NSRP1: variants seen among roughly 807,000 people sequenced by gnomAD.
The protein encoded by NSRP1 is nuclear speckle splicing regulatory protein 1.
NSRP1 carries 24 observed loss-of-function variants against 54.7 expected under a neutral mutation model. The ratio of observed to expected loss-of-function variants is 0.44; its 90% CI spans 0.32 to 0.62. NSRP1 has a LOEUF of 0.62. NSRP1 is among the 20% of genes least tolerant of loss of function. NSRP1 has a pLI of 0.06. For missense variants in NSRP1, 596 were observed against 651.2 expected, an observed-to-expected ratio of 0.92 and a Z score of 0.92; for synonymous variants, 210 against 213.8, an observed-to-expected ratio of 0.98 and a Z score of 0.15.
At chr17:30,121,570 G>T (rs1398942609) in intron 2 of NSRP1, among the ~76,000 whole-genome samples, 20 of 132,784 alleles carry the variant, frequency 1.5e-4, no homozygotes, top group Non-Finnish European at 2.4e-4. Flanking sequence ...GTGTGTGTGT[G>T]TTTTTTTTTT....
chr17:30,182,669 T>C (rs183745787), intron 6 of NSRP1, among the ~76,000 whole-genome samples: 1 of 149,336 alleles, frequency 6.7e-6, no homozygotes, highest in Admixed American at 6.7e-5. Flanking sequence ...GCACGGTGGC[T>C]CATGCCTATA....
intron 2 of NSRP1, among the ~76,000 whole-genome samples, chr17:30,128,582 A>G (rs1471626043): frequency 6.6e-6 from 1 of 152,164 alleles, no homozygotes; most frequent in African/African-American, 2.4e-5. Flanking sequence ...TGTTTACCCA[A>G]TATTATCAGT....
Position 30,122,348 on chromosome 17 carries a change from GTTTCATA to G in NSRP1, c.114+4177_114+4183del, listed in dbSNP as rs1219533994. On this transcript the variant is annotated intron_variant, in intron 2 of 6. Coordinates refer to ENST00000247026, the MANE Select transcript of NSRP1 (RefSeq NM_032141.4). ...ATTTCTGGTTCATATGATAACTCTGGTTTCATATATATATATATATATATATATATAT... is the reference window on the plus strand; with the variant it reads ...ATTTCTGGTTCATATGATAACTCTGGTATATATATATATATATATATATAT... 167 of 42,894 alleles carry G rather than the reference GTTTCATA, an allele frequency of 3.9e-3. 4 individuals are homozygous for G. The highest frequency in any genetic ancestry group is 0.013 in the African/African-American group (160 of 12,272). The allele number at this position is 42,894 out of a possible 1,614,324, so 2.7% of individuals were successfully genotyped here. A position where few individuals can be genotyped will look rare whatever the true frequency, so the allele number is the denominator to read the frequency against.
At chr17:30,177,844 G>C in intron 3 of NSRP1, 1 of 572,680 alleles carries the variant, frequency 1.7e-6, no homozygotes, top group South Asian at 1.9e-5. Flanking sequence ...GGAAATTAAG[G>C]TACCAAAAGA....
chr17:30,185,042 G>A lies in NSRP1; in HGVS notation c.1045G>A (p.Ala349Thr), dbSNP rs1434639383. The change falls in exon 7 of 7, where the codon GCC becomes ACC. Residue 349 changes from alanine (A) to threonine (T), a missense_variant. Physicochemically the swap from Ala to Thr is moderately conservative, Grantham distance 58 (BLOSUM62 0). Transcript: ENST00000247026. The stretch of plus-strand genomic sequence containing the variant: ...AAGGGATTCTCATAGGCACAGAGAG[G>A]CCAGTCATAGAGATTCCCATTGGAA... ...KERDSHRHREASHRDSHWKRH... is the reference protein window; with the variant it reads ...KERDSHRHRETSHRDSHWKRH... 6.2e-7 allele frequency: 1 copy of A among 1,614,124 alleles called. No individual in the cohort carries two copies. Among genetic ancestry groups the A allele is most frequent in the Non-Finnish European group, 8.5e-7 (1 of 1,180,020 alleles).
Position 30,185,493 on chromosome 17 carries a change from A to G in NSRP1, c.1496A>G (p.Lys499Arg). ...AATTCTGAATCATCACTGGGAGCAA[A>G]ACACAGACTCACAGAGGAAGGGCAA... ...PSNSESSLGA[K>R]HRLTEEGQEK... Residue 499 changes from lysine (K) to arginine (R), a missense_variant, in exon 7 of 7, where the codon AAA (lysine) becomes AGA (arginine). By Grantham distance (26) the Lys-to-Arg change is conservative. Transcript: ENST00000247026. 1 of 1,613,746 alleles carries G rather than the reference A, an allele frequency of 6.2e-7. No individual in the cohort carries two copies. The highest frequency in any genetic ancestry group is 8.5e-7 in the Non-Finnish European group (1 of 1,179,936).
At chr17:30,125,204 G>C (rs1286623381) in intron 2 of NSRP1, among the ~76,000 whole-genome samples, 1 of 151,704 alleles carries the variant, frequency 6.6e-6, no homozygotes, top group Admixed American at 6.6e-5. Context: ...CAAAAAAAAA[G>C]ATTAAAAAAA....
intron 2 of NSRP1, among the ~76,000 whole-genome samples, chr17:30,138,916 T>G (rs948626103): frequency 3.9e-5 from 5 of 129,492 alleles, no homozygotes; most frequent in African/African-American, 8.7e-5. Context: ...AGCGTTTTTT[T>G]TTTTTTTTTT....
Position 30,179,234 on chromosome 17 carries a change from A to G in NSRP1, c.445A>G (p.Lys149Glu). 1 of 1,609,826 alleles carries G rather than the reference A, an allele frequency of 6.2e-7. No individual in the cohort carries two copies. The change falls in exon 5 of 7, where the codon AAG (lysine) becomes GAG (glutamate). Residue 149 changes from lysine to glutamate, a missense_variant. Lys to Glu is a moderately conservative substitution (Grantham distance 56). Transcript: ENST00000247026. ...AGAAGCATTTGTGACATCTGCATAT[A>G]AGAAAAAACTGCAAGAGAGAGCTGA... ...DKEAFVTSAY[K>E]KKLQERAEEE...
At chr17:30,141,054 C>T (rs2071800642) in intron 2 of NSRP1, among the ~76,000 whole-genome samples, 3 of 152,188 alleles carry the variant, frequency 2.0e-5, no homozygotes, top group Admixed American at 1.3e-4. Context: ...CACCTGGGCT[C>T]AAGCAGTTCT....
chr17:30,155,499 G>C (rs1179451634), intron 2 of NSRP1, among the ~76,000 whole-genome samples: 1 of 151,832 alleles, frequency 6.6e-6, no homozygotes, highest in East Asian at 1.9e-4. Context: ...TCTTCCTCTG[G>C]GTCTTCTGTT....
intron 2 of NSRP1, chr17:30,144,540 A>T (rs1276283674): frequency 6.6e-6 from 1 of 152,058 alleles, no homozygotes; most frequent in African/African-American, 2.4e-5. Flanking sequence ...AGATTACAGG[A>T]GTGAGGCCAC....
At chr17:30,146,992 T>A (rs1567796311) in intron 2 of NSRP1, among the ~76,000 whole-genome samples, 1 of 152,260 alleles carries the variant, frequency 6.6e-6, no homozygotes, top group Non-Finnish European at 1.5e-5. Context: ...AAGTTTTCAG[T>A]AGTATGTTGA....
At chr17:30,139,391 T>A (rs1356937478) in intron 2 of NSRP1, among the ~76,000 whole-genome samples, 2 of 152,194 alleles carry the variant, frequency 1.3e-5, no homozygotes, top group African/African-American at 4.8e-5. Flanking sequence ...CTGATCCAGT[T>A]TATCAATTTT....
At chr17:30,146,706 G>A (rs1311564188) in intron 2 of NSRP1, among the ~76,000 whole-genome samples, 1 of 152,140 alleles carries the variant, frequency 6.6e-6, no homozygotes, top group Non-Finnish European at 1.5e-5. Context: ...CGCAATCTTG[G>A]CTCACTGCCA....
chr17:30,147,824 T>C (rs1296176439), intron 2 of NSRP1, among the ~76,000 whole-genome samples: 2 of 151,868 alleles, frequency 1.3e-5, no homozygotes, highest in African/African-American at 4.8e-5. Flanking sequence ...TTTTTTTTTT[T>C]TTTTGAGACG....
intron 2 of NSRP1, among the ~76,000 whole-genome samples, chr17:30,124,054 C>G (rs1010804068): frequency 2.0e-5 from 3 of 151,660 alleles, no homozygotes; most frequent in Admixed American, 6.6e-5. Context: ...GTGGGAGAAT[C>G]GCTTGAGGCT....
intron 2 of NSRP1, among the ~76,000 whole-genome samples, chr17:30,124,648 G>A (rs2071634780): frequency 6.6e-6 from 1 of 152,222 alleles, no homozygotes; most frequent in African/African-American, 2.4e-5. Context: ...GTTCTTGGAG[G>A]CTGGGGACCA....
At chr17:30,182,626 G>A (rs1439767856) in intron 6 of NSRP1, among the ~76,000 whole-genome samples, 2 of 145,092 alleles carry the variant, frequency 1.4e-5, no homozygotes, top group African/African-American at 5.2e-5. Flanking sequence ...TGGCGACAGA[G>A]CCAGACTCCA....
Sources: allele counts gnomAD v4.1 joint callset (sites outside exome capture counted in the v4.1 genomes callset), GRCh38; gene constraint gnomAD v4.1.1; transcripts MANE v1.5; gene names NCBI Gene and HGNC (gene_info 2026-07-23, HGNC 2026-07-21).